LRRC4C: variants seen among roughly 807,000 people sequenced by gnomAD.
LRRC4C encodes leucine rich repeat containing 4C.
Under a neutral mutation model 33.6 loss-of-function variants are expected in LRRC4C, and 5 were observed. The ratio of observed to expected loss-of-function variants is 0.15; its 90% CI spans 0.08 to 0.31. LRRC4C has a LOEUF of 0.31. Among genes scored for constraint, LRRC4C ranks in the 10% least tolerant of loss-of-function variants. The pLI is 1.00. For synonymous variants in LRRC4C, 329 were observed against 302.0 expected (o/e 1.09, Z -0.93); for missense variants, 560 against 796.7 (o/e 0.70, Z 3.58).
intron 2 of LRRC4C, among the ~76,000 whole-genome samples, chr11:40,683,263 G>A (rs1462035677): frequency 6.6e-6 from 1 of 152,080 alleles, no homozygotes; most frequent in Non-Finnish European, 1.5e-5. Flanking sequence ...CATCCCTTTA[G>A]CATTCTCCAC....
chr11:41,187,200 C>G (rs968668921), intron 1 of LRRC4C, among the ~76,000 whole-genome samples: 7 of 152,192 alleles, frequency 4.6e-5, no homozygotes, highest in Non-Finnish European at 7.3e-5. Context: ...TGAGGACAGG[C>G]ACTTCTGTTT....
chr11:40,730,064 G>A (rs4614437), intron 2 of LRRC4C, among the ~76,000 whole-genome samples: 67,058 of 151,246 alleles, frequency 0.44, 15,777 homozygotes, highest in African/African-American at 0.57. Context: ...GTGAGATCAC[G>A]TGGACACAGG....
chr11:40,922,019 C>T (rs1957204683), intron 2 of LRRC4C, among the ~76,000 whole-genome samples: 1 of 152,082 alleles, frequency 6.6e-6, no homozygotes, highest in Non-Finnish European at 1.5e-5. Context: ...ATAACAAATT[C>T]AATGTTTGGC....
chr11:40,540,616 TA>T (rs1364795437), intron 3 of LRRC4C, among the ~76,000 whole-genome samples: 6 of 152,118 alleles, frequency 3.9e-5, no homozygotes, highest in Non-Finnish European at 8.8e-5. Context: ...GTATTCCTTC[TA>T]AATTCAGTTT....
chr11:40,670,077 C>A (rs928991368), intron 2 of LRRC4C, among the ~76,000 whole-genome samples: 4 of 152,132 alleles, frequency 2.6e-5, no homozygotes, highest in African/African-American at 9.7e-5. Flanking sequence ...GAACCTCACT[C>A]CTGAAATCTC....
intron 3 of LRRC4C, among the ~76,000 whole-genome samples, chr11:40,542,042 TTC>T (rs371564963): frequency 5.5e-5 from 5 of 91,622 alleles, no homozygotes; most frequent in Non-Finnish European, 1.2e-4. Context: ...TTCTCTTTCT[TTC>T]TCTTTCTCTC....
At chr11:41,018,565 CA>C (rs1855747352) in intron 1 of LRRC4C, among the ~76,000 whole-genome samples, 1 of 152,106 alleles carries the variant, frequency 6.6e-6, no homozygotes, top group Non-Finnish European at 1.5e-5. Flanking sequence ...TTATTTTGAG[CA>C]GAAGAAACTC....
In LRRC4C at chr11:40,461,609, A is replaced by G. The variant is rs11035855; in HGVS notation, c.-269-141888T>C. On this transcript the variant is annotated intron_variant, in intron 3 of 6. Transcript: ENST00000528697. ...TAACTCAATGAAATAACCAACTTAA[A>G]CCACATATCTCAGTGCCTAGAACAT... Among the ~76,000 whole-genome samples, 82 of 151,182 alleles carry G rather than the reference A, an allele frequency of 5.4e-4. 1 individual carries two copies. Among genetic ancestry groups the G allele is most frequent in the Non-Finnish European group, 1.0e-3 (68 of 67,756 alleles).
chr11:41,408,230 T>A (rs544722266), intron 1 of LRRC4C, among the ~76,000 whole-genome samples: 1 of 152,190 alleles, frequency 6.6e-6, no homozygotes, highest in Non-Finnish European at 1.5e-5. Context: ...TTACATGTAG[T>A]CAGGATTAGA....
At chr11:40,500,285 TATATATATACACACAC>T (rs1390245137) in intron 3 of LRRC4C, among the ~76,000 whole-genome samples, 3 of 67,436 alleles carry the variant, frequency 4.4e-5, no homozygotes, top group African/African-American at 1.7e-4. Flanking sequence ...TATATATATA[TATATATATACACACAC>T]ACACACACAC....
intron 1 of LRRC4C, among the ~76,000 whole-genome samples, chr11:41,021,420 T>C (rs1388256271): frequency 6.6e-6 from 1 of 151,988 alleles, no homozygotes. Context: ...AACCCTACAC[T>C]AGACTTCCCT....
intron 1 of LRRC4C, among the ~76,000 whole-genome samples, chr11:41,344,932 T>C (rs1447836224): frequency 2.0e-5 from 3 of 152,192 alleles, no homozygotes; most frequent in Non-Finnish European, 2.9e-5. Flanking sequence ...AGTCGTTGCA[T>C]TGGAAGTTTT....
At chr11:40,445,867 G>A (rs1951612145) in intron 3 of LRRC4C, 1 of 152,206 alleles carries the variant, frequency 6.6e-6, no homozygotes, top group Admixed American at 6.6e-5. Flanking sequence ...CTGATGTCTA[G>A]TGGGGACTGC....
chr11:40,872,564 A>G (rs564199975), intron 2 of LRRC4C, among the ~76,000 whole-genome samples: 7 of 152,196 alleles, frequency 4.6e-5, no homozygotes, highest in African/African-American at 1.7e-4. Context: ...CTTAAAGACC[A>G]CTACTTTGAT....
intron 1 of LRRC4C, among the ~76,000 whole-genome samples, chr11:40,967,324 G>A (rs1472687520): frequency 1.3e-5 from 2 of 151,904 alleles, no homozygotes; most frequent in Admixed American, 6.6e-5. Context: ...GAAAATAGGG[G>A]ATAGGATTCT....
intron 1 of LRRC4C, among the ~76,000 whole-genome samples, chr11:40,996,966 G>A (rs1854023015): frequency 6.6e-6 from 1 of 152,060 alleles, no homozygotes; most frequent in African/African-American, 2.4e-5. Context: ...ACATTGGAGG[G>A]GATGAATATC....
intron 1 of LRRC4C, among the ~76,000 whole-genome samples, chr11:41,036,961 A>G (rs1857115104): frequency 6.6e-6 from 1 of 152,194 alleles, no homozygotes; most frequent in Non-Finnish European, 1.5e-5. Flanking sequence ...GACTTATAAG[A>G]TAGCTCAAAG....
At chr11:41,406,706 C>A (rs1459381580) in intron 1 of LRRC4C, among the ~76,000 whole-genome samples, 4 of 138,308 alleles carry the variant, frequency 2.9e-5, no homozygotes, top group African/African-American at 1.1e-4. Flanking sequence ...TACACATTCA[C>A]CACACACACA....
At position 40,938,976 on chromosome 11, in the gene LRRC4C, A is replaced by G. The variant is rs185647951; in HGVS notation, c.-495-5253T>C. On this transcript the variant is annotated intron_variant, in intron 1 of 6. Transcript: ENST00000528697. ...GGGACAAACAGAGAAAATATTATCC[A>G]GATATTAAAATAGTATTATATAATT... Among the ~76,000 whole-genome samples the G allele has an allele frequency of 2.4e-4, 36 of 152,290 alleles. 1 individual carries two copies. The highest frequency in any genetic ancestry group is 4.1e-4 in the South Asian group (2 of 4,834).
Sources: gnomAD v4.1 joint callset for allele counts (sites outside exome capture counted in the v4.1 genomes callset) on GRCh38, gnomAD v4.1.1 for gene constraint, MANE v1.5 for transcripts, NCBI Gene and HGNC (gene_info 2026-07-23, HGNC 2026-07-21) for gene names.